Variants in GRM1 observed in about 807,000 individuals in gnomAD.
GRM1 encodes the protein metabotropic glutamate receptor 1.
GRM1 carries 33 observed loss-of-function variants against 90.9 expected under a neutral mutation model. The observed-to-expected ratio is 0.36, with a 90% CI of 0.28 to 0.49. The LOEUF is 0.49. Ranked by LOEUF, GRM1 falls within the 20% of genes least tolerant of loss-of-function variation. The pLI is 0.99. For synonymous variants in GRM1, 700 were observed against 613.2 expected (o/e 1.14, Z -2.09); for missense variants, 1,190 against 1,534.3 (o/e 0.78, Z 3.75).
At chr6:146,311,588 G>A (rs1783771301) in intron 3 of GRM1, among the ~76,000 whole-genome samples, 1 of 152,104 alleles carries the variant, frequency 6.6e-6, no homozygotes. Flanking sequence ...GTGTCTATTT[G>A]TATTTAAATT....
chr6:146,288,548 C>A (rs1782848709), intron 2 of GRM1, among the ~76,000 whole-genome samples: 1 of 152,100 alleles, frequency 6.6e-6, no homozygotes, highest in Admixed American at 6.5e-5. Context: ...TCTTGTTGCC[C>A]AGACTGGAGC....
intron 1 of GRM1, among the ~76,000 whole-genome samples, chr6:146,155,364 G>T (rs1042934811): frequency 2.6e-5 from 4 of 152,112 alleles, no homozygotes; most frequent in African/African-American, 9.7e-5. Flanking sequence ...TGCTGTTCAG[G>T]TTTGTAGCCT....
At chr6:146,210,980 C>T (rs1269593747) in intron 2 of GRM1, among the ~76,000 whole-genome samples, 1 of 152,016 alleles carries the variant, frequency 6.6e-6, no homozygotes, top group Non-Finnish European at 1.5e-5. Context: ...TTATGCACAC[C>T]ACCCTCTTAT....
chr6:146,349,813 A>G (rs1295258939), intron 3 of GRM1, among the ~76,000 whole-genome samples: 1 of 152,220 alleles, frequency 6.6e-6, no homozygotes, highest in Non-Finnish European at 1.5e-5. Context: ...AAAAATAATG[A>G]CATTCTACTG....
At chr6:146,126,442 A>G (rs1776202813) in intron 1 of GRM1, among the ~76,000 whole-genome samples, 1 of 152,162 alleles carries the variant, frequency 6.6e-6, no homozygotes. Context: ...CTTGCTGTGT[A>G]TATAGCCAAG....
intron 6 of GRM1, among the ~76,000 whole-genome samples, chr6:146,396,093 T>TATCTATCTATCTATC (rs1324277052): frequency 0.014 from 2,142 of 152,010 alleles, 51 homozygotes; most frequent in African/African-American, 0.048. Context: ...TCTATCTATC[T>TATCTATCTATCTATC]ATCTATCTAT....
At chr6:146,323,339 G>A (rs551811856) in intron 3 of GRM1, among the ~76,000 whole-genome samples, 36 of 152,254 alleles carry the variant, frequency 2.4e-4, no homozygotes, top group African/African-American at 6.5e-4. Context: ...TTTGATGGCC[G>A]GTGATGATGA....
intron 2 of GRM1, among the ~76,000 whole-genome samples, chr6:146,192,671 A>ACT (rs1344035869): frequency 3.9e-5 from 6 of 152,246 alleles, no homozygotes; most frequent in African/African-American, 1.4e-4. Flanking sequence ...CAGCACATTT[A>ACT]AACTGTGTTG....
chr6:146,118,375 G>A (rs1019995754), intron 1 of GRM1, among the ~76,000 whole-genome samples: 80 of 152,188 alleles, frequency 5.3e-4, no homozygotes, highest in Admixed American at 3.1e-3. Flanking sequence ...TCCTGATCTC[G>A]TGATCCACCC....
intron 2 of GRM1, among the ~76,000 whole-genome samples, chr6:146,296,009 AT>A (rs1783165816): frequency 6.6e-6 from 1 of 152,228 alleles, no homozygotes; most frequent in Non-Finnish European, 1.5e-5. Context: ...TTTGCTAAGG[AT>A]AATGGCCTCC....
chr6:146,155,656 G>A (rs137943485), intron 1 of GRM1, among the ~76,000 whole-genome samples: 2 of 152,274 alleles, frequency 1.3e-5, no homozygotes, highest in East Asian at 3.9e-4. Flanking sequence ...CCCAGTAGCA[G>A]AGCATCTTTT....
chr6:146,138,846 T>C (rs529941812), intron 1 of GRM1, among the ~76,000 whole-genome samples: 2 of 152,240 alleles, frequency 1.3e-5, no homozygotes, highest in South Asian at 4.1e-4. Flanking sequence ...TGATCTTCAT[T>C]ATTTATTTTC....
chr6:146,434,351 A>ATTT lies in GRM1; in HGVS notation c.3142_3144dup (p.Phe1048dup). 6.2e-7 allele frequency: 1 copy of ATTT among 1,612,334 alleles called. No homozygotes were observed. The highest frequency in any genetic ancestry group is 8.5e-7 in the Non-Finnish European group (1 of 1,178,848). The stretch of plus-strand genomic sequence containing the variant: ...AGCAACTTCAGTACCGCGATCCCGG[A>ATTT]TTTTCACGCGGTGCTGGCAGGCCCC... On this transcript the variant is annotated inframe_insertion, in exon 8 of 8. Transcript: ENST00000282753.
At chr6:146,293,975 G>A (rs892195131) in intron 2 of GRM1, among the ~76,000 whole-genome samples, 1 of 151,172 alleles carries the variant, frequency 6.6e-6, no homozygotes, top group Non-Finnish European at 1.5e-5. Flanking sequence ...GCTAAATATT[G>A]TTTTTTTGTG....
At chr6:146,164,859 G>C (rs1365811100) in intron 2 of GRM1, among the ~76,000 whole-genome samples, 12 of 151,906 alleles carry the variant, frequency 7.9e-5, no homozygotes, top group African/African-American at 2.2e-4. Context: ...AGGAGTCTTT[G>C]ACTAGACATA....
chr6:146,338,018 A>G (rs987465004), intron 3 of GRM1, among the ~76,000 whole-genome samples: 4 of 152,182 alleles, frequency 2.6e-5, no homozygotes, highest in Non-Finnish European at 5.9e-5. Flanking sequence ...AAATTTTCCA[A>G]TATGGATCAA....
intron 1 of GRM1, among the ~76,000 whole-genome samples, chr6:146,110,111 G>A (rs182363855): frequency 2.0e-5 from 3 of 152,270 alleles, no homozygotes; most frequent in Admixed American, 2.0e-4. Context: ...ACTTTGGGCG[G>A]CTGTTGGGAG....
intron 5 of GRM1, among the ~76,000 whole-genome samples, chr6:146,375,242 G>A (rs1423440663): frequency 6.6e-6 from 1 of 151,900 alleles, no homozygotes; most frequent in Admixed American, 6.6e-5. Context: ...GAAGATCCTT[G>A]ATATTATTTA....
intron 6 of GRM1, among the ~76,000 whole-genome samples, chr6:146,396,045 ATATC>A (rs1220171865): frequency 1.4e-5 from 2 of 139,354 alleles, no homozygotes; most frequent in African/African-American, 5.2e-5. Context: ...GTTATTTTAA[ATATC>A]TATTTTCCTA....
Sources: gnomAD v4.1 joint callset for allele counts (sites outside exome capture counted in the v4.1 genomes callset) on GRCh38, gnomAD v4.1.1 for gene constraint, MANE v1.5 for transcripts, NCBI Gene and HGNC (gene_info 2026-07-23, HGNC 2026-07-21) for gene names.